PITPNA: variants seen among roughly 807,000 people sequenced by gnomAD.
PITPNA encodes the protein phosphatidylinositol transfer protein alpha isoform.
In PITPNA, 13 loss-of-function variants were observed where a neutral mutation model predicts 50.3. That is an observed-to-expected ratio of 0.26 (90% CI 0.17 to 0.41). The LOEUF (loss-of-function observed/expected upper bound fraction) is 0.41. Among genes scored for constraint, PITPNA ranks in the 10% least tolerant of loss-of-function variants. PITPNA has a pLI of 1.00. For missense variants in PITPNA, 207 were observed against 333.4 expected, an observed-to-expected ratio of 0.62 and a Z score of 2.95; for synonymous variants, 120 against 119.6, an observed-to-expected ratio of 1.00 and a Z score of -0.02.
chr17:1,523,995 C>G (rs1384893261), intron 10 of PITPNA, among the ~76,000 whole-genome samples: 1 of 151,174 alleles, frequency 6.6e-6, no homozygotes, highest in Non-Finnish European at 1.5e-5. Flanking sequence ...ATTGTATGAC[C>G]TTGAGTAAGT....
At chr17:1,525,754 G>A (rs2075543940) in intron 10 of PITPNA, among the ~76,000 whole-genome samples, 1 of 152,016 alleles carries the variant, frequency 6.6e-6, no homozygotes. Flanking sequence ...CCAACCTCAG[G>A]TGATCCGCCT....
intron 7 of PITPNA, among the ~76,000 whole-genome samples, chr17:1,537,287 T>C (rs2075623980): frequency 6.6e-6 from 1 of 151,940 alleles, no homozygotes. Context: ...ATGGTCTCGA[T>C]CTCTTGACCT....
rs1284966377 is a variant in PITPNA, at chr17:1,535,667, T to C, written c.457-149A>G. On this transcript the variant is annotated intron_variant, in intron 7 of 11. Transcript: ENST00000313486. ...ATGGGAAAATGTTATAAACAAGATG[T>C]AGAACTGTTTACATTAGCCTCAGAG... 3 of 656,504 alleles carry C rather than the reference T, an allele frequency of 4.6e-6. No homozygotes were observed. In the Admixed American group the frequency reaches 6.8e-5, roughly 15 times the overall value. 40.7% of individuals were successfully genotyped at this position (656,504 alleles called of 1,614,324 possible).
rs1049891531 is a variant in PITPNA, at chr17:1,519,179, C to T, written c.*1382G>A. 2 of 152,536 alleles carry T rather than the reference C, an allele frequency of 1.3e-5. No individual in the cohort carries two copies. The highest frequency in any genetic ancestry group is 2.1e-4 in the South Asian group (1 of 4,822). The allele number at this position is 152,536 out of a possible 1,614,324, so 9.4% of individuals were successfully genotyped here. The stretch of plus-strand genomic sequence containing the variant: ...ATTCTCCCACCCACTTCTTGCTTCC[C>T]GGACAAAGATTTGGTCTCCCATTAG... On this transcript the variant is annotated 3_prime_UTR_variant, in exon 12 of 12. Transcript: ENST00000313486.
At chr17:1,548,262 C>A (rs1472325588) in intron 4 of PITPNA, 34 bp downstream of exon 4, 20 of 1,460,484 alleles carry the variant, frequency 1.4e-5, no homozygotes, top group Non-Finnish European at 1.7e-5. Flanking sequence ...GCTGCCCGCC[C>A]CTGCCTGGCC....
chr17:1,561,423 C>T (rs962155251), intron 1 of PITPNA: 2 of 152,434 alleles, frequency 1.3e-5, no homozygotes, highest in Non-Finnish European at 2.9e-5. Flanking sequence ...CCCCTCAATT[C>T]CTCAAAGAAT....
intron 6 of PITPNA, among the ~76,000 whole-genome samples, chr17:1,540,794 C>G (rs2075644463): frequency 6.6e-6 from 1 of 152,162 alleles, no homozygotes. Flanking sequence ...ACCGTGTTAG[C>G]CAGGATGGTC....
At chr17:1,531,919 G>A (rs2075585504) in intron 10 of PITPNA, among the ~76,000 whole-genome samples, 1 of 152,106 alleles carries the variant, frequency 6.6e-6, no homozygotes, top group Non-Finnish European at 1.5e-5. Flanking sequence ...TTGCTGAAGA[G>A]ACCACAACAT....
intron 3 of PITPNA, among the ~76,000 whole-genome samples, chr17:1,551,559 C>T (rs1036078998): frequency 6.6e-6 from 1 of 152,182 alleles, no homozygotes; most frequent in African/African-American, 2.4e-5. Context: ...TCCCAAAGTG[C>T]TGGGATTACA....
intron 3 of PITPNA, among the ~76,000 whole-genome samples, chr17:1,552,470 A>C (rs149914570): frequency 1.7e-3 from 260 of 152,312 alleles, no homozygotes; most frequent in African/African-American, 5.9e-3. Context: ...TTCAAGCTTC[A>C]TTTAAAAATG....
At chr17:1,524,179 A>G (rs1167107034) in intron 10 of PITPNA, among the ~76,000 whole-genome samples, 4 of 150,006 alleles carry the variant, frequency 2.7e-5, no homozygotes, top group African/African-American at 4.9e-5. Flanking sequence ...CGAGTAGCTG[A>G]GACTATAGGT....
chr17:1,545,280 C>G (rs1259482140), intron 4 of PITPNA, among the ~76,000 whole-genome samples: 1 of 152,210 alleles, frequency 6.6e-6, no homozygotes, highest in Non-Finnish European at 1.5e-5. Context: ...AAAGGAAGAG[C>G]CTTCCAAAAG....
chr17:1,526,609 A>T (rs1337733221), intron 10 of PITPNA, among the ~76,000 whole-genome samples: 1 of 152,112 alleles, frequency 6.6e-6, no homozygotes, highest in Non-Finnish European at 1.5e-5. Flanking sequence ...ACATGCTGAG[A>T]GTTCACCACC....
chr17:1,534,013 G>C, intron 10 of PITPNA, 86 bp downstream of exon 10: 1 of 1,486,996 alleles, frequency 6.7e-7, no homozygotes, highest in East Asian at 2.3e-5. Flanking sequence ...CTACAGGATG[G>C]TGCTCTCGGT....
chr17:1,559,064 G>C (rs1202789328), intron 1 of PITPNA, among the ~76,000 whole-genome samples: 2 of 151,988 alleles, frequency 1.3e-5, no homozygotes, highest in Non-Finnish European at 2.9e-5. Flanking sequence ...AGAGGCCCTG[G>C]GGACTTAAAT....
In PITPNA at chr17:1,558,543, C is replaced by G. The variant is rs752721798; in HGVS notation, c.37G>C (p.Val13Leu). ...LLKEYRVILP[V>L]SVDEYQVGQL... is the part of the protein sequence containing the mutation. ...AAAGGACTTACCTCATCTACAGACACAGGCAGGATTACTCGACTATAAGAA... is the reference window on the plus strand; with the variant it reads ...AAAGGACTTACCTCATCTACAGACAGAGGCAGGATTACTCGACTATAAGAA... The change falls in exon 2 of 12, where the codon GTG becomes CTG. Residue 13 changes from valine to leucine, a missense_variant. Val to Leu is a conservative substitution (Grantham distance 32). Transcript: ENST00000313486. 6.2e-6 allele frequency: 10 copies of G among 1,604,804 alleles called. No individual in the cohort carries two copies. The Admixed American group carries it at 1.0e-4, about 16-fold the overall frequency.
intron 1 of PITPNA, chr17:1,559,449 GCCA>G (rs2075756941): frequency 6.6e-6 from 1 of 152,240 alleles, no homozygotes; most frequent in Admixed American, 6.5e-5. Context: ...CAGACCAAGA[GCCA>G]CCCCCAGTTC....
At chr17:1,529,404 C>A (rs954173037) in intron 10 of PITPNA, among the ~76,000 whole-genome samples, 2 of 151,438 alleles carry the variant, frequency 1.3e-5, no homozygotes, top group South Asian at 4.2e-4. Flanking sequence ...CGCCTCTAGT[C>A]CCAGCTACTT....
chr17:1,548,960 G>A (rs1349882728), intron 3 of PITPNA, among the ~76,000 whole-genome samples: 1 of 152,160 alleles, frequency 6.6e-6, no homozygotes, highest in African/African-American at 2.4e-5. Flanking sequence ...GGAGTGCAGT[G>A]CTGCGATCTC....
Sources: allele counts gnomAD v4.1 joint callset (sites outside exome capture counted in the v4.1 genomes callset), GRCh38; gene constraint gnomAD v4.1.1; transcripts MANE v1.5; gene names NCBI Gene and HGNC (gene_info 2026-07-23, HGNC 2026-07-21).